Variants in TASL observed in about 807,000 individuals in gnomAD.
TASL encodes the protein TLR adaptor interacting with endolysosomal SLC15A4, also known as TLR adapter interacting with SLC15A4 on the lysosome.
TASL carries 6 observed loss-of-function variants against 12.9 expected under a neutral mutation model. The observed-to-expected ratio is 0.46, with a 90% CI of 0.25 to 0.92. TASL has a LOEUF of 0.92. Ranked by LOEUF, TASL falls within the 40% of genes least tolerant of loss-of-function variation. The probability of loss-of-function intolerance (pLI) is 0.17; values close to 1 mark genes in which losing one functional copy is unlikely to be tolerated. For synonymous variants in TASL, 85 were observed against 79.3 expected (o/e 1.07, Z -0.38); for missense variants, 165 against 212.8 (o/e 0.78, Z 1.40).
chrX:30,569,495 A>G (rs1290802138), intron 2 of TASL, among the ~76,000 whole-genome samples: 1 of 111,621 alleles, frequency 9.0e-6, no homozygotes, highest in Non-Finnish European at 1.9e-5. Context: ...TCCATTGGAA[A>G]TTCAGGTAGG....
intron 2 of TASL, among the ~76,000 whole-genome samples, chrX:30,571,264 A>AAGAAAGAAAGAAAGAAAGAAAG: frequency 3.4e-5 from 1 of 29,090 alleles, no homozygotes; most frequent in Non-Finnish European, 8.0e-5. Context: ...AAGAGAAAGA[A>AAGAAAGAAAGAAAGAAAGAAAG]AGAAAGAAAG....
At chrX:30,562,067 C>A (rs1336242028) in intron 2 of TASL, among the ~76,000 whole-genome samples, 1 of 111,822 alleles carries the variant, frequency 8.9e-6, no homozygotes, top group Non-Finnish European at 1.9e-5. Flanking sequence ...GGCATTCTGC[C>A]TTCAAGTCCT....
At chrX:30,562,367 G>A (rs894333927) in intron 2 of TASL, among the ~76,000 whole-genome samples, 2 of 111,649 alleles carry the variant, frequency 1.8e-5, no homozygotes, top group African/African-American at 6.5e-5. Context: ...TCTCATGCCC[G>A]GCATGGTGCA....
intron 2 of TASL, among the ~76,000 whole-genome samples, chrX:30,569,730 G>T (rs944038427): frequency 9.9e-5 from 11 of 111,286 alleles, no homozygotes; most frequent in African/African-American, 3.6e-4. Flanking sequence ...ATCTATATTC[G>T]GGCCGGGCAC....
intron 2 of TASL, among the ~76,000 whole-genome samples, chrX:30,573,931 A>T (rs1399109461): frequency 9.0e-6 from 1 of 111,700 alleles, no homozygotes; most frequent in Non-Finnish European, 1.9e-5. Context: ...AATAAAAAAT[A>T]AATAAATTAA....
intron 2 of TASL, among the ~76,000 whole-genome samples, chrX:30,568,670 A>G (rs1439488516): frequency 9.0e-6 from 1 of 111,090 alleles, no homozygotes; most frequent in African/African-American, 3.3e-5. Context: ...ATATTAAACA[A>G]TCAACCCTAA....
intron 1 of TASL, among the ~76,000 whole-genome samples, chrX:30,577,288 C>T (rs780113590): frequency 8.9e-6 from 1 of 112,233 alleles, no homozygotes; most frequent in African/African-American, 3.2e-5. Flanking sequence ...AATGCAGAAG[C>T]TAAACCAGTG....
chrX:30,559,676 A>G lies in TASL; in HGVS notation c.680T>C (p.Met227Thr). 1 of 1,209,247 alleles carries G rather than the reference A, an allele frequency of 8.3e-7. No individual in the cohort carries two copies. Among genetic ancestry groups the G allele is most frequent in the Non-Finnish European group, 1.1e-6 (1 of 893,207 alleles). ...KVVELYKQYI[M>T]DTVFHDSSPT... ...AGAACTGTCATGAAACACGGTGTCC[A>G]TAATGTACTGTTTATATAACTCCAC... Residue 227 changes from methionine to threonine, a missense_variant, in exon 3 of 3, where the codon ATG becomes ACG. By Grantham distance (81) the Met-to-Thr change is moderately conservative. Coordinates refer to ENST00000378962, the MANE Select transcript of TASL (RefSeq NM_025159.3).
rs761113870 is a variant in TASL, at chrX:30,571,602, G to A, written c.-2+5150C>T. The stretch of plus-strand genomic sequence containing the variant: ...GAGATCGGGCCACTGCCCTTCAGCC[G>A]GGGCGATAGAACGAGACTCCATCTC... On this transcript the variant is annotated intron_variant, in intron 2 of 2. Coordinates refer to ENST00000378962, the MANE Select transcript of TASL (RefSeq NM_025159.3). Among the ~76,000 whole-genome samples the A allele has an allele frequency of 8.5e-5, 8 of 94,066 alleles. No individual in the cohort carries two copies. The South Asian group carries it at 3.0e-3, about 35-fold the overall frequency. 81.7% of individuals were successfully genotyped at this position (94,066 alleles called of 115,157 possible).
At chrX:30,560,451 A>C (rs1930402189) in intron 2 of TASL, 95 bp from the exon 3 acceptor site, 3 of 603,266 alleles carry the variant, frequency 5.0e-6, no homozygotes, top group Non-Finnish European at 7.6e-6. Flanking sequence ...ACAATGAATA[A>C]ATTCACTTTA....
At chrX:30,564,864 A>C (rs1930477169) in intron 2 of TASL, among the ~76,000 whole-genome samples, 1 of 111,684 alleles carries the variant, frequency 9.0e-6, no homozygotes, top group Non-Finnish European at 1.9e-5. Flanking sequence ...CTTGTTCTAA[A>C]CCCTGCAATG....
Position 30,559,976 on chromosome X carries a change from A to C in TASL, c.380T>G (p.Leu127Ter), listed in dbSNP as rs747080551. Reference protein sequence around the residue: ...CKSICKNYNDLQIAGGQVMAI... With the variant: ...CKSICKNYND The stretch of plus-strand genomic sequence containing the variant: ...CATCACCTGGCCCCCTGCAATCTGT[A>C]AGTCATTATAATTCTTGCAAATACT... Residue 127 changes from leucine to a stop codon, truncating the protein, a stop_gained, in exon 3 of 3, where the codon TTA (leucine) becomes TGA (stop). Transcript: ENST00000378962. LOFTEE classifies it high-confidence loss of function. 8.3e-7 allele frequency: 1 copy of C among 1,210,677 alleles called. No individual in the cohort carries two copies.
intron 2 of TASL, among the ~76,000 whole-genome samples, chrX:30,568,090 T>C (rs1930526763): frequency 9.1e-6 from 1 of 110,398 alleles, no homozygotes; most frequent in Non-Finnish European, 1.9e-5. Context: ...ATACATAAAT[T>C]AGCCGGGCGT....
chrX:30,562,653 A>G (rs914831780), intron 2 of TASL, among the ~76,000 whole-genome samples: 6 of 110,754 alleles, frequency 5.4e-5, no homozygotes, highest in African/African-American at 2.0e-4. Flanking sequence ...GGTTTTATAT[A>G]AACAATCTAA....
At position 30,559,419 on chromosome X, in the gene TASL, TA is replaced by T; in HGVS notation, c.*30del. ...GATAAAGTGTTGCTTCATGTTTAAGTAAATGCGAGACAGTAATGGAAGCATC... is the reference window on the plus strand; with the variant it reads ...GATAAAGTGTTGCTTCATGTTTAAGTAATGCGAGACAGTAATGGAAGCATC... On this transcript the variant is annotated 3_prime_UTR_variant, in exon 3 of 3. Coordinates refer to ENST00000378962, the MANE Select transcript of TASL (RefSeq NM_025159.3). The T allele has an allele frequency of 9.4e-7, 1 of 1,063,158 alleles. No homozygotes were observed. 87.6% of individuals were successfully genotyped at this position (1,063,158 alleles called of 1,213,427 possible). A position where few individuals can be genotyped will look rare whatever the true frequency, so the allele number is the denominator to read the frequency against.
intron 2 of TASL, among the ~76,000 whole-genome samples, chrX:30,568,628 C>T (rs1242662909): frequency 1.8e-5 from 2 of 110,606 alleles, no homozygotes; most frequent in East Asian, 2.8e-4. Context: ...AGACACACTC[C>T]AAGTCTCCCA....
chrX:30,566,142 A>G (rs1601837603), intron 2 of TASL, among the ~76,000 whole-genome samples: 1 of 111,707 alleles, frequency 9.0e-6, no homozygotes, highest in South Asian at 3.7e-4. Context: ...TTAGCATACT[A>G]AAGTAACATC....
chrX:30,570,139 C>T (rs1292658604), intron 2 of TASL, among the ~76,000 whole-genome samples: 1 of 110,336 alleles, frequency 9.1e-6, no homozygotes, highest in Non-Finnish European at 1.9e-5. Flanking sequence ...CATCTACAAA[C>T]GTCTTCCAGT....
chrX:30,570,867 C>T (rs763035139), intron 2 of TASL, among the ~76,000 whole-genome samples: 30 of 111,470 alleles, frequency 2.7e-4, no homozygotes, highest in African/African-American at 8.5e-4. Context: ...AATTCATCTT[C>T]CACTTTAATG....
Sources: gnomAD v4.1 joint callset for allele counts (sites outside exome capture counted in the v4.1 genomes callset) on GRCh38, gnomAD v4.1.1 for gene constraint, MANE v1.5 for transcripts, NCBI Gene and HGNC (gene_info 2026-07-23, HGNC 2026-07-21) for gene names.